Variants in TTN observed in about 807,000 individuals in gnomAD.
TTN encodes titin, also known as connectin.
Under a neutral mutation model 3,223.0 loss-of-function variants are expected in TTN, and 1,525 were observed. The ratio of observed to expected loss-of-function variants is 0.47; its 90% CI spans 0.45 to 0.49. The LOEUF is 0.49. Among genes scored for constraint, TTN ranks in the 20% least tolerant of loss-of-function variants. The pLI, the probability that TTN is intolerant of heterozygous loss-of-function variation, is 0.00. For missense variants in TTN, 40,786 were observed against 43,424.0 expected (o/e 0.94, Z 5.40); for synonymous variants, 14,094 against 15,161.0 (o/e 0.93, Z 5.17).
At chr2:178,774,707 C>A in intron 29 of TTN, 3 of 712,132 alleles carry the variant, frequency 4.2e-6, no homozygotes, top group South Asian at 2.3e-5. Flanking sequence ...AACTTAAAAG[C>A]TAAAAATCAA....
At position 178,618,245 on chromosome 2, in the gene TTN, A is replaced by G; in HGVS notation, c.47213T>C (p.Val15738Ala). ...AGTTTCTACTGGCTCACCAGTGCCA[A>G]CTCTGTTTCTTGCACTCACACGGAA... ...YLFRVSARNR[V>A]GTGEPVETDN... The change falls in exon 252 of 363, where the codon GTT becomes GCT. Residue 15738 changes from valine (V) to alanine (A), a missense_variant. Transcript: ENST00000589042. The G allele has an allele frequency of 6.2e-7, 1 of 1,612,770 alleles. No homozygotes were observed. The highest frequency in any genetic ancestry group is 8.5e-7 in the Non-Finnish European group (1 of 1,179,174).
chr2:178,750,371 T>C, intron 47 of TTN: 1 of 1,613,160 alleles, frequency 6.2e-7, no homozygotes, highest in Non-Finnish European at 8.5e-7. Flanking sequence ...AGAACCTTCA[T>C]TCTGATGATG....
At position 178,707,682 on chromosome 2, in the gene TTN, C is replaced by T; in HGVS notation, c.28885G>A (p.Glu9629Lys). 6.2e-7 allele frequency: 1 copy of T among 1,613,938 alleles called. No individual in the cohort carries two copies. The highest frequency in any genetic ancestry group is 8.5e-7 in the Non-Finnish European group (1 of 1,179,856). The change falls in exon 100 of 363, where the codon GAA (glutamate) becomes AAA (lysine). Residue 9629 changes from glutamate to lysine, a missense_variant. Transcript: ENST00000589042. ...CTGCATCTGTCTGAAGGCTTTATTT[C>T]CCTGCCAGCCTTCAACCACTGGATC... Reference protein sequence around the residue: ...IRIQWLKAGREIKPSDRCSFS... With the variant: ...IRIQWLKAGRKIKPSDRCSFS...
chr2:178,791,131 T>G (rs1195785649), intron 10 of TTN, among the ~76,000 whole-genome samples: 1 of 152,176 alleles, frequency 6.6e-6, no homozygotes, highest in East Asian at 1.9e-4. Context: ...TGCTGACAAG[T>G]GGCTGGAAAA....
intron 43 of TTN, among the ~76,000 whole-genome samples, chr2:178,762,847 A>G (rs114129925): frequency 0.017 from 2,519 of 152,326 alleles, 85 homozygotes; most frequent in African/African-American, 0.057. Flanking sequence ...ATTGAGCCCC[A>G]GTTACCTGGC....
chr2:178,728,509 T>A lies in TTN; in HGVS notation c.19417A>T (p.Arg6473Ter). The A allele has an allele frequency of 6.2e-7, 1 of 1,609,936 alleles. No homozygotes were observed. The highest frequency in any genetic ancestry group is 1.7e-4 in the Middle Eastern group (1 of 6,042). Reference sequence around the variant, plus strand: ...GGGTGAAGATACAAACCTAGCACTCTTAAGTAGGCATCACAGCTACTGCTT... The same window carrying A: ...GGGTGAAGATACAAACCTAGCACTCATAAGTAGGCATCACAGCTACTGCTT... Reference protein sequence around the residue: ...FGSSSCDAYLRVLDQNIPPSF... With the variant: ...FGSSSCDAYL Residue 6473 changes from arginine to a stop codon, truncating the protein, a stop_gained, in exon 66 of 363, where the codon AGA becomes TGA. Coordinates refer to ENST00000589042, the MANE Select transcript of TTN (RefSeq NM_001267550.2). LOFTEE classifies it high-confidence loss of function.
At chr2:178,639,874 A>G in intron 222 of TTN, 86 bp from the exon 223 acceptor site, 1 of 1,456,838 alleles carries the variant, frequency 6.9e-7, no homozygotes, top group Non-Finnish European at 9.3e-7. Flanking sequence ...CTTCTGATAT[A>G]ATTTTGAAAT....
rs786205540 is a variant in TTN, at chr2:178,579,663, C to A, written c.67534G>T (p.Asp22512Tyr). Residue 22512 changes from aspartate (D) to tyrosine (Y), a missense_variant, in exon 319 of 363, where the codon GAT (aspartate) becomes TAT (tyrosine). Transcript: ENST00000589042. Reference protein sequence around the residue: ...KSLSLQYSAKDLTEGKEYTFR... With the variant: ...KSLSLQYSAKYLTEGKEYTFR... ...GTATATTCCTTCCCTTCAGTCAAATCTTTTGCAGAGTACTGTAGGCTTAAG... is the reference window on the plus strand; with the variant it reads ...GTATATTCCTTCCCTTCAGTCAAATATTTTGCAGAGTACTGTAGGCTTAAG... 1.2e-6 allele frequency: 2 copies of A among 1,613,334 alleles called. No individual in the cohort carries two copies. The highest frequency in any genetic ancestry group is 3.3e-4 in the Middle Eastern group (2 of 6,056).
intron 168 of TTN, 84 bp downstream of exon 168, chr2:178,664,376 C>G: frequency 9.1e-7 from 1 of 1,100,334 alleles, no homozygotes; most frequent in Non-Finnish European, 1.3e-6. Context: ...ATGTACACAT[C>G]AAAATAATTT....
At position 178,649,232 on chromosome 2, in the gene TTN, T is replaced by C. The variant is rs1435237178; in HGVS notation, c.40057+16A>G. The C allele has an allele frequency of 1.3e-6, 2 of 1,494,058 alleles. No homozygotes were observed. The highest frequency in any genetic ancestry group is 2.6e-5 in the East Asian group (1 of 37,962). The allele number at this position is 1,494,058 out of a possible 1,614,324, so 92.6% of individuals were successfully genotyped here. A position where few individuals can be genotyped will look rare whatever the true frequency, so the allele number is the denominator to read the frequency against. On this transcript the variant is annotated intron_variant, in intron 213 of 362. Transcript: ENST00000589042. ...ATAGCAGTTAGAGAAATCTATTTTT[T>C]CTTCATGGTAGGTACCTTTTTCTGG...
Position 178,546,045 on chromosome 2 carries a change from G to T in TTN, c.95191C>A (p.Leu31731Ile), listed in dbSNP as rs1364685585. 6.2e-7 allele frequency: 1 copy of T among 1,613,776 alleles called. No homozygotes were observed. ...TCTGCTCCTCCGTCTTCCTGCGGAA[G>T]GCTCCAGGCTAAAGTGCACTTCTCC... is the stretch of plus-strand genomic sequence containing the variant. ...TQEKCTLAWS[L>I]PQEDGGAEIT... Residue 31731 changes from leucine to isoleucine, a missense_variant, in exon 343 of 363, where the codon CTT becomes ATT. Leu to Ile is a conservative substitution (Grantham distance 5, BLOSUM62 2). Transcript: ENST00000589042.
intron 165 of TTN, 95 bp from the exon 166 acceptor site, chr2:178,665,021 T>A: frequency 1.5e-6 from 2 of 1,373,760 alleles, no homozygotes; most frequent in Non-Finnish European, 2.0e-6. Context: ...CATTTTCTTC[T>A]CTTTCCTCCA....
rs2081084380 is a variant in TTN, at chr2:178,734,463, A to G, written c.15361T>C (p.Tyr5121His). Residue 5121 changes from tyrosine (Y) to histidine (H), a missense_variant, in exon 52 of 363, where the codon TAC (tyrosine) becomes CAC (histidine). Coordinates refer to ENST00000589042, the MANE Select transcript of TTN (RefSeq NM_001267550.2). ...DKKQIRSSKK[Y>H]RLFSQKSLVC... ...AGAGACTTCTGAGAAAACAATCTGT[A>G]TTTTTTACTACTTCGAATTTGTTTC... 1.2e-6 allele frequency: 2 copies of G among 1,613,712 alleles called. No individual in the cohort carries two copies. The highest frequency in any genetic ancestry group is 1.7e-6 in the Non-Finnish European group (2 of 1,179,748).
Position 178,759,011 on chromosome 2 carries a change from A to G in TTN, c.10276T>C (p.Ser3426Pro). Residue 3426 changes from serine (S) to proline (P), a missense_variant, in exon 44 of 363, where the codon TCA becomes CCA. Coordinates refer to ENST00000589042, the MANE Select transcript of TTN (RefSeq NM_001267550.2). ...FVASNAVGQV[S>P]STANLSLEGF... ...TCCAGACTCAGGTTGGCTGTGCTTG[A>G]TACTTGGCCTACAGCATTACTAGCA... The G allele has an allele frequency of 6.2e-7, 1 of 1,614,014 alleles. No homozygotes were observed.
At position 178,608,888 on chromosome 2, in the gene TTN, T is replaced by A. The variant is rs1196364304; in HGVS notation, c.52123A>T (p.Asn17375Tyr). 1.2e-6 allele frequency: 2 copies of A among 1,610,314 alleles called. No individual in the cohort carries two copies. Among genetic ancestry groups the A allele is most frequent in the Middle Eastern group, 1.7e-4 (1 of 6,044 alleles). Residue 17375 changes from asparagine to tyrosine, a missense_variant, in exon 274 of 363, where the codon AAC becomes TAC. Coordinates refer to ENST00000589042, the MANE Select transcript of TTN (RefSeq NM_001267550.2). ...TTTCTGATATCTTCAAATACAAAGTTGATTGGTGGTCCCGGTGTATCTAAT... is the reference window on the plus strand; with the variant it reads ...TTTCTGATATCTTCAAATACAAAGTAGATTGGTGGTCCCGGTGTATCTAAT... ...SVLDTPGPPI[N>Y]FVFEDIRKTS... is the part of the protein sequence containing the mutation.
rs747103350 is a variant in TTN at position 178,604,687 on chromosome 2, A to G, written c.54381+21T>C. The G allele has an allele frequency of 4.1e-5, 64 of 1,577,088 alleles. No homozygotes were observed. The Admixed American group carries it at 8.0e-4, about 20-fold the overall frequency. On this transcript the variant is annotated intron_variant, in intron 281 of 362. Transcript: ENST00000589042. ...GTCATGTACTTTTAATGTGTATAAG[A>G]AAATATTCAGAAGAGTTTACCCCAT... is the stretch of plus-strand genomic sequence containing the variant.
chr2:178,625,483 A>T, intron 240 of TTN, 87 bp from the exon 241 acceptor site: 4 of 1,383,742 alleles, frequency 2.9e-6, no homozygotes, highest in Non-Finnish European at 3.8e-6. Context: ...AAATGGAAAT[A>T]GAGCTTTCCA....
In TTN at chr2:178,531,199, G is replaced by A. The variant is rs200782068; in HGVS notation, c.105416C>T (p.Thr35139Ile). The A allele has an allele frequency of 4.6e-5, 74 of 1,613,870 alleles. No homozygotes were observed. In the Middle Eastern group the frequency reaches 1.2e-3, roughly 25 times the overall value. The change falls in exon 358 of 363, where the codon ACC becomes ATC. Residue 35139 changes from threonine (T) to isoleucine (I), a missense_variant. Coordinates refer to ENST00000589042, the MANE Select transcript of TTN (RefSeq NM_001267550.2). The part of the protein sequence containing the change: ...ARILTKPRSM[T>I]VYEGESARFS... The stretch of plus-strand genomic sequence containing the variant: ...CCTTGCAGACTCGCCCTCGTAGACG[G>A]TCATGGACCGTGGCTTTGTTAGAAT...
In TTN at chr2:178,527,617, T is replaced by A. The variant is rs1232738337; in HGVS notation, c.107509A>T (p.Ser35837Cys). The A allele has an allele frequency of 1.2e-6, 2 of 1,613,996 alleles. No homozygotes were observed. Among genetic ancestry groups the A allele is most frequent in the Admixed American group, 3.3e-5 (2 of 60,026 alleles). Residue 35837 changes from serine (S) to cysteine (C), a missense_variant, in exon 362 of 363, where the codon AGC (serine) becomes TGC (cysteine). By Grantham distance (112) the Ser-to-Cys change is moderately radical (BLOSUM62 -1). Transcript: ENST00000589042. ...KQEASFSSFS[S>C]SSASSMTEMK... ...TCAGTCATGCTGCTAGCACTGCTGCTGCTGAAACTGCTGAAGGAGGCCTCC... is the reference window on the plus strand; with the variant it reads ...TCAGTCATGCTGCTAGCACTGCTGCAGCTGAAACTGCTGAAGGAGGCCTCC...
Sources: allele counts gnomAD v4.1 joint callset (sites outside exome capture counted in the v4.1 genomes callset), GRCh38; gene constraint gnomAD v4.1.1; transcripts MANE v1.5; gene names NCBI Gene and HGNC (gene_info 2026-07-23, HGNC 2026-07-21).